The following USP25 variants were observed in gnomAD, a reference collection of about 807,000 sequenced individuals.
USP25 encodes ubiquitin carboxyl-terminal hydrolase 25.
In USP25, 85 loss-of-function variants were observed where a neutral mutation model predicts 158.5. The ratio of observed to expected loss-of-function variants is 0.54; its 90% confidence interval spans 0.45 to 0.64. The LOEUF is 0.64. USP25 is among the 30% of genes least tolerant of loss of function. The pLI, the probability that USP25 is intolerant of heterozygous loss-of-function variation, is 0.00. For missense variants in USP25, 1,242 were observed against 1,327.3 expected (o/e 0.94, Z 1.00); for synonymous variants, 464 against 460.4 (o/e 1.01, Z -0.10).
chr21:15,782,867 C>G (rs999417313), intron 4 of USP25, among the ~76,000 whole-genome samples: 1 of 152,080 alleles, frequency 6.6e-6, no homozygotes, highest in Non-Finnish European at 1.5e-5. Flanking sequence ...CGTGTCACCC[C>G]CAAACCTGGC....
At chr21:15,793,522 TA>T (rs1323508399) in intron 5 of USP25, among the ~76,000 whole-genome samples, 1 of 151,518 alleles carries the variant, frequency 6.6e-6, no homozygotes, top group Admixed American at 6.6e-5. Context: ...CTAGCTTATT[TA>T]AAAACTAGTA....
chr21:15,790,176 A>G (rs970615385), intron 4 of USP25, among the ~76,000 whole-genome samples: 67 of 152,116 alleles, frequency 4.4e-4, no homozygotes, highest in African/African-American at 1.1e-3. Context: ...AAGGAGTTCT[A>G]TGTCTTTTCG....
At chr21:15,823,361 T>TG (rs1222688200) in intron 10 of USP25, among the ~76,000 whole-genome samples, 39 of 151,276 alleles carry the variant, frequency 2.6e-4, no homozygotes, top group African/African-American at 9.0e-4. Context: ...GATTAGGGGC[T>TG]GGGGGTAGGG....
intron 17 of USP25, among the ~76,000 whole-genome samples, chr21:15,833,977 G>A (rs1484641238): frequency 2.6e-5 from 4 of 151,764 alleles, no homozygotes; most frequent in Non-Finnish European, 4.4e-5. Context: ...TAATACTACC[G>A]GTATATTCAT....
At chr21:15,854,881 T>C (rs997269818) in intron 20 of USP25, among the ~76,000 whole-genome samples, 1 of 152,202 alleles carries the variant, frequency 6.6e-6, no homozygotes, top group Non-Finnish European at 1.5e-5. Context: ...CTTGAGTCCT[T>C]CTTCAAATTG....
Position 15,730,450 on chromosome 21 carries a change from C to A in USP25, c.45+12C>A. 9.6e-6 allele frequency: 13 copies of A among 1,356,236 alleles called. No individual in the cohort carries two copies. Among genetic ancestry groups the A allele is most frequent in the South Asian group, 1.8e-5 (1 of 55,922 alleles). 84.0% of individuals were successfully genotyped at this position (1,356,236 alleles called of 1,614,324 possible). On this transcript the variant is annotated intron_variant, in intron 1 of 25. Coordinates refer to ENST00000400183, the MANE Select transcript of USP25 (RefSeq NM_001283041.3). ...GCGCGGCGCAGAAGGTGAGGCGAGT[C>A]CGCCAGCCGGCGGGCCCCACTTCTC...
intron 10 of USP25, among the ~76,000 whole-genome samples, chr21:15,821,917 T>C (rs1285355712): frequency 2.0e-5 from 3 of 152,008 alleles, no homozygotes; most frequent in Non-Finnish European, 4.4e-5. Context: ...GTGAGATTTC[T>C]AGAATTGTGA....
At chr21:15,850,866 C>T (rs2038854221) in intron 20 of USP25, among the ~76,000 whole-genome samples, 1 of 151,850 alleles carries the variant, frequency 6.6e-6, no homozygotes, top group East Asian at 1.9e-4. Context: ...GAGGGATTTC[C>T]TGGACTACAG....
intron 4 of USP25, among the ~76,000 whole-genome samples, chr21:15,785,109 A>G (rs2035197812): frequency 6.6e-6 from 1 of 152,220 alleles, no homozygotes; most frequent in Admixed American, 6.5e-5. Context: ...AAGCAGCCAT[A>G]CTTGTACTAG....
chr21:15,751,956 CAG>C (rs1179482872), intron 1 of USP25, among the ~76,000 whole-genome samples: 5 of 152,162 alleles, frequency 3.3e-5, no homozygotes, highest in South Asian at 2.1e-4. Context: ...TTTTTTAAGA[CAG>C]AGATTTGCTC....
intron 14 of USP25, 150 bp downstream of exon 14, chr21:15,827,353 C>A: frequency 1.4e-6 from 1 of 720,274 alleles, no homozygotes; most frequent in African/African-American, 1.8e-5. Flanking sequence ...ACTAGTTTGG[C>A]TCCCCATTTT....
At chr21:15,738,466 T>C (rs753561703) in intron 1 of USP25, among the ~76,000 whole-genome samples, 1 of 152,210 alleles carries the variant, frequency 6.6e-6, no homozygotes, top group Non-Finnish European at 1.5e-5. Context: ...GGTTTATAAT[T>C]TAACACAAAA....
intron 1 of USP25, among the ~76,000 whole-genome samples, chr21:15,747,465 A>C (rs1210675848): frequency 2.0e-5 from 3 of 151,950 alleles, no homozygotes; most frequent in African/African-American, 7.2e-5. Flanking sequence ...TAGGCACTAT[A>C]TAACTATATA....
intron 6 of USP25, among the ~76,000 whole-genome samples, chr21:15,804,067 C>G (rs1019713831): frequency 6.6e-6 from 1 of 151,782 alleles, no homozygotes; most frequent in African/African-American, 2.4e-5. Context: ...AATGGCTTGC[C>G]TGGTTTGTTG....
chr21:15,842,489 C>T lies in USP25; in HGVS notation c.2286C>T (p.Thr762=). 1 of 1,613,678 alleles carries T rather than the reference C, an allele frequency of 6.2e-7. No homozygotes were observed. The change falls in exon 18 of 26, where the codon ACC becomes ACT. Residue 762 remains threonine (T), a synonymous_variant. Coordinates refer to ENST00000400183, the MANE Select transcript of USP25 (RefSeq NM_001283041.3). ...AAGAAGAAACTATTCAAATAATTAC[C>T]AAGGCATCACATGAGCATGAAGATA... ...HLKEETIQII[T]KASHEHEDKS...
At chr21:15,859,967 A>ATG (rs563034526) in intron 20 of USP25, among the ~76,000 whole-genome samples, 3 of 142,114 alleles carry the variant, frequency 2.1e-5, no homozygotes, top group East Asian at 2.0e-4. Flanking sequence ...GGATATATAT[A>ATG]TGTATATATA....
At chr21:15,767,980 G>C (rs574943204) in intron 3 of USP25, among the ~76,000 whole-genome samples, 25 of 152,126 alleles carry the variant, frequency 1.6e-4, no homozygotes, top group African/African-American at 5.5e-4. Flanking sequence ...AAAAAATTTT[G>C]AATAGGTTCC....
chr21:15,794,622 T>C (rs373771598), intron 5 of USP25, among the ~76,000 whole-genome samples: 1 of 151,574 alleles, frequency 6.6e-6, no homozygotes, highest in African/African-American at 2.4e-5. Flanking sequence ...GTGCTCATAC[T>C]TCTCAGTTTG....
intron 2 of USP25, among the ~76,000 whole-genome samples, chr21:15,763,625 A>T (rs1040226972): frequency 6.6e-6 from 1 of 152,186 alleles, no homozygotes; most frequent in Non-Finnish European, 1.5e-5. Context: ...GCTTATTTGC[A>T]TATTACTACT....
Sources: allele counts gnomAD v4.1 joint callset (sites outside exome capture counted in the v4.1 genomes callset), GRCh38; gene constraint gnomAD v4.1.1; transcripts MANE v1.5; gene names NCBI Gene and HGNC (gene_info 2026-07-23, HGNC 2026-07-21).